SYNPO: variants seen among roughly 807,000 people sequenced by gnomAD.
SYNPO encodes the protein synaptopodin.
In SYNPO, 19 loss-of-function variants were observed where a neutral mutation model predicts 49.5. The observed-to-expected ratio is 0.38, with a 90% CI of 0.27 to 0.56. The LOEUF (loss-of-function observed/expected upper bound fraction) is 0.56. Ranked by LOEUF, SYNPO falls within the 20% of genes least tolerant of loss-of-function variation. SYNPO has a pLI of 0.68. For synonymous variants in SYNPO, 536 were observed against 548.0 expected (o/e 0.98, Z 0.31); for missense variants, 1,131 against 1,248.3 (o/e 0.91, Z 1.42).
chr5:150,631,228 G>C (rs1757525217), intron 2 of SYNPO, among the ~76,000 whole-genome samples: 1 of 152,248 alleles, frequency 6.6e-6, no homozygotes, highest in African/African-American at 2.4e-5. Flanking sequence ...GCCCTGCGGG[G>C]ACAGGCAGAC....
intron 1 of SYNPO, among the ~76,000 whole-genome samples, chr5:150,602,222 G>T (rs574792672): frequency 3.3e-5 from 5 of 152,330 alleles, no homozygotes; most frequent in Admixed American, 6.5e-5. Flanking sequence ...CTTACTGGGC[G>T]CCAGGCTCTG....
chr5:150,608,895 C>T (rs1288758587), intron 1 of SYNPO, among the ~76,000 whole-genome samples: 1 of 152,204 alleles, frequency 6.6e-6, no homozygotes, highest in Non-Finnish European at 1.5e-5. Context: ...CTCACAGTTG[C>T]TATGATGCAG....
At chr5:150,619,410 A>G (rs942015916) in intron 2 of SYNPO, among the ~76,000 whole-genome samples, 4 of 152,178 alleles carry the variant, frequency 2.6e-5, no homozygotes, top group African/African-American at 9.7e-5. Context: ...ACAAGGGCAG[A>G]TAGAACACCA....
the SYNPO span, among the ~76,000 whole-genome samples, chr5:150,586,998 GCATGGATGGATATATGAATT>G: frequency 7.2e-4 from 110 of 152,314 alleles, no homozygotes; most frequent in African/African-American, 2.4e-3. Flanking sequence ...ATATATGGGT[GCATGGATGGATATATGAATT>G]CATGGATGGA....
At chr5:150,601,617 C>T (rs755603586) in intron 1 of SYNPO, among the ~76,000 whole-genome samples, 3 of 152,312 alleles carry the variant, frequency 2.0e-5, no homozygotes, top group South Asian at 2.1e-4. Context: ...GTCTGCAGGT[C>T]GGTGGGGTAT....
chr5:150,623,295 C>G (rs1757238606), intron 2 of SYNPO, among the ~76,000 whole-genome samples: 1 of 152,226 alleles, frequency 6.6e-6, no homozygotes, highest in Non-Finnish European at 1.5e-5. Context: ...CACTGTCACA[C>G]ACCTACGTAC....
chr5:150,596,357 G>A (rs1404791599), upstream of SYNPO, among the ~76,000 whole-genome samples: 1 of 152,120 alleles, frequency 6.6e-6, no homozygotes, highest in Non-Finnish European at 1.5e-5. Flanking sequence ...AGGCTCTCTA[G>A]GCCTCAGTTT....
At chr5:150,618,989 G>A (rs1337652292) in intron 2 of SYNPO, among the ~76,000 whole-genome samples, 1 of 151,988 alleles carries the variant, frequency 6.6e-6, no homozygotes, top group Admixed American at 6.5e-5. Flanking sequence ...CTGCCAAAGA[G>A]GGCACGTGAG....
At chr5:150,611,662 G>A (rs1454342249) in intron 1 of SYNPO, among the ~76,000 whole-genome samples, 1 of 152,230 alleles carries the variant, frequency 6.6e-6, no homozygotes, top group African/African-American at 2.4e-5. Context: ...AGGCTGGGCG[G>A]TTGGGATGGT....
intron 1 of SYNPO, among the ~76,000 whole-genome samples, chr5:150,646,854 G>C (rs1478410446): frequency 1.3e-5 from 2 of 152,232 alleles, no homozygotes; most frequent in Non-Finnish European, 2.9e-5. Flanking sequence ...AAGGCACACA[G>C]AAAATATTCT....
the SYNPO span, among the ~76,000 whole-genome samples, chr5:150,588,447 G>T: frequency 6.6e-6 from 1 of 152,164 alleles, no homozygotes; most frequent in African/African-American, 2.4e-5. Context: ...CCCAGAGCCA[G>T]CCTCAGGCTG....
rs547588919 is a variant in SYNPO at position 150,650,462 on chromosome 5, C to T, written c.2028+159C>T. On this transcript the variant is annotated intron_variant, in intron 2 of 2. Coordinates refer to ENST00000307662, the MANE Select transcript of SYNPO (RefSeq NM_007286.6). The stretch of plus-strand genomic sequence containing the variant: ...GGAGTCCATGGTTCAAGGTCAGATG[C>T]GGCCACCAGCTGGCTTTGTGACCTT... 3.5e-5 allele frequency: 53 copies of T among 1,518,942 alleles called. No homozygotes were observed. The Middle Eastern group carries it at 1.5e-3, about 44-fold the overall frequency. The allele number at this position is 1,518,942 out of a possible 1,614,324, so 94.1% of individuals were successfully genotyped here.
intron 2 of SYNPO, among the ~76,000 whole-genome samples, chr5:150,630,142 C>T (rs1757490107): frequency 6.6e-6 from 1 of 152,176 alleles, no homozygotes; most frequent in South Asian, 2.1e-4. Flanking sequence ...CAGAGAGGAT[C>T]AAGGGTGCCC....
chr5:150,591,372 C>T, the SYNPO span, among the ~76,000 whole-genome samples: 61 of 152,302 alleles, frequency 4.0e-4, no homozygotes, highest in Middle Eastern at 3.4e-3. Context: ...CTGCAGCATG[C>T]GCAGCTGAGC....
At chr5:150,586,545 G>A in the SYNPO span, among the ~76,000 whole-genome samples, 985 of 151,080 alleles carry the variant, frequency 6.5e-3, 10 homozygotes, top group African/African-American at 0.023. Flanking sequence ...TAAATAGACA[G>A]ATGGATACAT....
chr5:150,648,058 A>G lies in SYNPO; in HGVS notation c.-218A>G. On this transcript the variant is annotated 5_prime_UTR_variant, in exon 2 of 3. Transcript: ENST00000307662. The surrounding 1 kb of genome is among the most constrained non-coding windows in gnomAD (Gnocchi z 5.0). Reference sequence around the variant, plus strand: ...CCCAGCTCCAATTCCCGTGGCGTCCAGCTCTTCAACAGGCGCCGGCAGAGG... The same window carrying G: ...CCCAGCTCCAATTCCCGTGGCGTCCGGCTCTTCAACAGGCGCCGGCAGAGG... 6.4e-7 allele frequency: 1 copy of G among 1,551,822 alleles called. No homozygotes were observed. The highest frequency in any genetic ancestry group is 8.7e-7 in the Non-Finnish European group (1 of 1,147,000).
At position 150,605,759 on chromosome 5, in the gene SYNPO, T is replaced by TACACAC. The variant is rs34727103; in HGVS notation, c.-266+4591_-266+4596dup. ...ACCACCCCCACCACACACACACACATACACACACACACACACACACACACA... is the reference window on the plus strand; with the variant it reads ...ACCACCCCCACCACACACACACACATACACACACACACACACACACACACACACACA... On this transcript the variant is annotated intron_variant, in intron 1 of 2. Transcript: ENST00000394243. Among the ~76,000 whole-genome samples, 58 of 142,248 alleles carry TACACAC rather than the reference T, an allele frequency of 4.1e-4. 1 individual carries two copies. Among genetic ancestry groups the TACACAC allele is most frequent in the Middle Eastern group, 7.5e-3 (2 of 266 alleles). 93.3% of individuals were successfully genotyped at this position (142,248 alleles called of 152,430 possible).
upstream of SYNPO, among the ~76,000 whole-genome samples, chr5:150,598,417 A>T (rs1228900663): frequency 6.6e-6 from 1 of 152,144 alleles, no homozygotes; most frequent in African/African-American, 2.4e-5. Flanking sequence ...CGTAGGACAC[A>T]CTTAAATACC....
chr5:150,628,681 G>C (rs1196879345), intron 2 of SYNPO, among the ~76,000 whole-genome samples: 1 of 152,216 alleles, frequency 6.6e-6, no homozygotes, highest in Non-Finnish European at 1.5e-5. Flanking sequence ...GGCCAAGGCA[G>C]GGGGATCACC....
Sources: gnomAD v4.1 joint callset for allele counts (sites outside exome capture counted in the v4.1 genomes callset) on GRCh38, gnomAD v4.1.1 for gene constraint, Gnocchi (gnomAD v3.1) non-coding constraint, MANE v1.5 for transcripts, NCBI Gene and HGNC (gene_info 2026-07-23, HGNC 2026-07-21) for gene names.